The following ANXA2 variants were observed in gnomAD, a reference collection of about 807,000 sequenced individuals.
The protein encoded by ANXA2 is annexin A2, also known as annexin II.
A neutral mutation model predicts 47.3 loss-of-function variants in ANXA2; 28 were observed. The ratio of observed to expected loss-of-function variants is 0.59; its 90% CI spans 0.44 to 0.81. The LOEUF (loss-of-function observed/expected upper bound fraction) is 0.81, where lower values mean the gene tolerates loss of function less well. Among genes scored for constraint, ANXA2 ranks in the 40% least tolerant of loss-of-function variants. ANXA2 has a pLI of 0.00. For synonymous variants in ANXA2, 172 were observed against 155.5 expected (o/e 1.11, Z -0.79); for missense variants, 384 against 414.3 (o/e 0.93, Z 0.64).
chr15:60,354,268 G>A, intron 7 of ANXA2, 55 bp from the exon 8 acceptor site: 3 of 1,423,494 alleles, frequency 2.1e-6, no homozygotes, highest in Admixed American at 3.9e-5. Flanking sequence ...TTTTAAAACT[G>A]AAAATGTTTT....
At chr15:60,356,875 A>G (rs1695558785) in intron 6 of ANXA2, among the ~76,000 whole-genome samples, 1 of 152,234 alleles carries the variant, frequency 6.6e-6, no homozygotes, top group African/African-American at 2.4e-5. Flanking sequence ...GATCTTGTTT[A>G]AAAACAAGTT....
At chr15:60,378,694 G>A (rs971935326) in intron 3 of ANXA2, among the ~76,000 whole-genome samples, 10 of 152,152 alleles carry the variant, frequency 6.6e-5, no homozygotes, top group South Asian at 4.1e-4. Flanking sequence ...GGCTGGGTGC[G>A]GTGTCTCATA....
chr15:60,372,692 CTTT>C (rs574095449), intron 3 of ANXA2, among the ~76,000 whole-genome samples: 3 of 132,712 alleles, frequency 2.3e-5, no homozygotes, highest in Admixed American at 7.7e-5. Flanking sequence ...ACAATCTTTC[CTTT>C]TTTTTTTTTT....
intron 1 of ANXA2, among the ~76,000 whole-genome samples, chr15:60,395,283 G>A (rs1292508159): frequency 6.6e-6 from 1 of 152,084 alleles, no homozygotes; most frequent in Non-Finnish European, 1.5e-5. Context: ...TTTTGGCGGG[G>A]GTCTGTTTTG....
intron 1 of ANXA2, among the ~76,000 whole-genome samples, chr15:60,389,980 T>C (rs910408359): frequency 2.6e-5 from 4 of 152,214 alleles, no homozygotes; most frequent in Admixed American, 2.6e-4. Flanking sequence ...AGTATTCAAA[T>C]GGTGAATGCA....
chr15:60,366,327 C>CCCCTCTGCCTGGCTG (rs1390876080), intron 3 of ANXA2, among the ~76,000 whole-genome samples: 1 of 147,996 alleles, frequency 6.8e-6, no homozygotes, highest in African/African-American at 2.5e-5. Context: ...ATATGAGGAG[C>CCCCTCTGCCTGGCTG]CCCTCTGCCT....
chr15:60,358,601 A>C (rs905642131), intron 5 of ANXA2, among the ~76,000 whole-genome samples: 1 of 152,226 alleles, frequency 6.6e-6, no homozygotes, highest in Non-Finnish European at 1.5e-5. Context: ...TTTATTCTTC[A>C]TCTAACCTTT....
chr15:60,392,595 C>T (rs947782820), intron 1 of ANXA2, among the ~76,000 whole-genome samples: 2 of 152,178 alleles, frequency 1.3e-5, no homozygotes, highest in African/African-American at 4.8e-5. Context: ...ATAGTAAAAA[C>T]ACATTCTACT....
rs956595351 is a variant in ANXA2, at chr15:60,348,629, T to C, written c.960+446A>G. ...GTGTGGTGGCGGGCGCCTGTAGTCC[T>C]AGCTACTTGGGAGGCTGAGGCAGGA... On this transcript the variant is annotated intron_variant, in intron 12 of 12. Transcript: ENST00000451270. Among the ~76,000 whole-genome samples, 118 of 151,298 alleles carry C rather than the reference T, an allele frequency of 7.8e-4. No homozygotes were observed. In the Middle Eastern group the frequency reaches 0.01, roughly 13 times the overall value.
chr15:60,363,630 C>T (rs560861463), intron 4 of ANXA2, among the ~76,000 whole-genome samples: 18 of 152,146 alleles, frequency 1.2e-4, no homozygotes, highest in Middle Eastern at 3.2e-3. Context: ...AGGACGAACA[C>T]GCACTGGTTG....
chr15:60,355,817 T>G (rs1215238846), intron 7 of ANXA2, 102 bp downstream of exon 7: 2 of 998,360 alleles, frequency 2.0e-6, no homozygotes, highest in Non-Finnish European at 3.2e-6. Context: ...GAATTTCTGA[T>G]GCAGGCACAG....
intron 2 of ANXA2, chr15:60,383,896 T>C (rs1241587604): frequency 6.6e-6 from 1 of 152,274 alleles, no homozygotes; most frequent in Non-Finnish European, 1.5e-5. Flanking sequence ...TAGGTGAGCA[T>C]CTAAGATGCC....
intron 3 of ANXA2, among the ~76,000 whole-genome samples, chr15:60,377,723 A>C (rs945870539): frequency 2.6e-5 from 4 of 152,212 alleles, no homozygotes; most frequent in Non-Finnish European, 5.9e-5. Context: ...ACAGTGCAGT[A>C]AAGGAAGGAC....
At chr15:60,355,891 G>A (rs758699703) in intron 7 of ANXA2, 28 bp downstream of exon 7, 1 of 1,587,776 alleles carries the variant, frequency 6.3e-7, no homozygotes, top group Non-Finnish European at 8.7e-7. Flanking sequence ...GAGGAAGCAA[G>A]GGCAAAGAAA....
intron 6 of ANXA2, 79 bp downstream of exon 6, chr15:60,357,067 C>G (rs1034331800): frequency 1.5e-6 from 2 of 1,349,924 alleles, no homozygotes; most frequent in Non-Finnish European, 2.1e-6. Flanking sequence ...CATCTTAGCC[C>G]GAACCCTAAC....
chr15:60,367,337 C>T (rs2062637914), intron 3 of ANXA2, among the ~76,000 whole-genome samples: 1 of 116,978 alleles, frequency 8.5e-6, no homozygotes, highest in Non-Finnish European at 1.8e-5. Context: ...CCGGCCGCCC[C>T]TACTGGAAAG....
At chr15:60,365,969 C>T (rs2062592057) in intron 3 of ANXA2, among the ~76,000 whole-genome samples, 1 of 142,562 alleles carries the variant, frequency 7.0e-6, no homozygotes, top group Non-Finnish European at 1.5e-5. Context: ...CTGCCTCAGC[C>T]TGCCGAGTGC....
chr15:60,367,704 C>CCT lies in ANXA2; in HGVS notation c.149-3182_149-3181insAG, dbSNP rs1225397811. On this transcript the variant is annotated intron_variant, in intron 3 of 12. Transcript: ENST00000451270. ...GGGAGGGTGGTGGGGGGTCAGCCCC[C>CCT]GCCCGGCCAGCCGCCCCATCCGGGA... Among the ~76,000 whole-genome samples, 28 of 110,472 alleles carry CCT rather than the reference C, an allele frequency of 2.5e-4. No homozygotes were observed. The South Asian group carries it at 3.7e-3, about 14-fold the overall frequency. The allele number at this position is 110,472 out of a possible 152,430, so 72.5% of individuals were successfully genotyped here.
At chr15:60,356,499 T>C (rs2062432533) in intron 6 of ANXA2, among the ~76,000 whole-genome samples, 1 of 152,106 alleles carries the variant, frequency 6.6e-6, no homozygotes, top group Admixed American at 6.5e-5. Context: ...AGAGAAGAAC[T>C]GTAATGTTCC....
Sources: allele counts gnomAD v4.1 joint callset (sites outside exome capture counted in the v4.1 genomes callset), GRCh38; gene constraint gnomAD v4.1.1; transcripts MANE v1.5; gene names NCBI Gene and HGNC (gene_info 2026-07-23, HGNC 2026-07-21).